Variants in OSBPL8 observed in about 807,000 individuals in gnomAD.
The protein encoded by OSBPL8 is oxysterol binding protein like 8, also known as oxysterol-binding protein-related protein 8.
OSBPL8 carries 59 observed loss-of-function variants against 125.5 expected under a neutral mutation model. That is an observed-to-expected ratio of 0.47 (90% CI 0.38 to 0.58). The LOEUF is 0.58. OSBPL8 is among the 20% of genes least tolerant of loss of function. OSBPL8 has a pLI of 0.00. For synonymous variants in OSBPL8, 330 were observed against 338.9 expected (o/e 0.97, Z 0.29); for missense variants, 758 against 1,047.8 (o/e 0.72, Z 3.82).
chr12:76,358,175 CTT>C (rs60714321), intron 22 of OSBPL8, among the ~76,000 whole-genome samples: 2 of 100,192 alleles, frequency 2.0e-5, no homozygotes, highest in Admixed American at 1.2e-4. Context: ...GAGTGTGGTT[CTT>C]TTTTTTTTTT....
intron 2 of OSBPL8, among the ~76,000 whole-genome samples, chr12:76,480,611 T>G (rs1045029696): frequency 4.6e-5 from 7 of 152,202 alleles, no homozygotes; most frequent in African/African-American, 1.7e-4. Flanking sequence ...GTGACTAAAA[T>G]CTTCACAGTT....
intron 1 of OSBPL8, among the ~76,000 whole-genome samples, chr12:76,533,905 CTCTA>C (rs1422311339): frequency 1.3e-5 from 2 of 152,098 alleles, no homozygotes; most frequent in African/African-American, 4.8e-5. Flanking sequence ...AAGATAAAAT[CTCTA>C]TCTAGGAAAG....
chr12:76,372,116 C>T (rs1565834898), intron 18 of OSBPL8, among the ~76,000 whole-genome samples: 1 of 152,146 alleles, frequency 6.6e-6, no homozygotes, highest in Non-Finnish European at 1.5e-5. Flanking sequence ...TCTACCTTAT[C>T]TATCTAATCT....
chr12:76,446,524 A>C (rs1189599278), intron 4 of OSBPL8, among the ~76,000 whole-genome samples: 1 of 152,168 alleles, frequency 6.6e-6, no homozygotes, highest in African/African-American at 2.4e-5. Context: ...AGATATGACT[A>C]ACACCGTGGC....
At chr12:76,392,344 T>A (rs893010671) in intron 10 of OSBPL8, among the ~76,000 whole-genome samples, 6 of 152,186 alleles carry the variant, frequency 3.9e-5, no homozygotes, top group African/African-American at 1.4e-4. Flanking sequence ...GGTGAATAAT[T>A]AGCATGGCTA....
At position 76,390,572 on chromosome 12, in the gene OSBPL8, G is replaced by A; in HGVS notation, c.1015C>T (p.His339Tyr). The change falls in exon 11 of 24, where the codon CAT becomes TAT. Residue 339 changes from histidine (H) to tyrosine (Y), a missense_variant. His to Tyr is a moderately conservative substitution (Grantham distance 83). Coordinates refer to ENST00000261183, the MANE Select transcript of OSBPL8 (RefSeq NM_020841.5). ...ATCACCTCATTATCAGACTCATCAT[G>A]TTCTTGATCATTTTCTTTATCAGAT... ...DKSDKENDQEHDESDNEVMGK... is the reference protein window; with the variant it reads ...DKSDKENDQEYDESDNEVMGK... 6.2e-7 allele frequency: 1 copy of A among 1,613,694 alleles called. No homozygotes were observed. Among genetic ancestry groups the A allele is most frequent in the Non-Finnish European group, 8.5e-7 (1 of 1,179,814 alleles).
At position 76,507,276 on chromosome 12, in the gene OSBPL8, T is replaced by C. The variant is rs982268562; in HGVS notation, c.-67-19658A>G. Among the ~76,000 whole-genome samples, 53 of 151,750 alleles carry C rather than the reference T, an allele frequency of 3.5e-4. 4 individuals are homozygous for C. The highest frequency in any genetic ancestry group is 1.0e-3 in the African/African-American group (42 of 41,020). On this transcript the variant is annotated intron_variant, in intron 1 of 23. Transcript: ENST00000261183. ...TTATTCTCTATTTGGGATTTACAAATAGTTATTTCAGTCACAGGGAAAAGG... is the reference window on the plus strand; with the variant it reads ...TTATTCTCTATTTGGGATTTACAAACAGTTATTTCAGTCACAGGGAAAAGG...
rs1951877626 is a variant in OSBPL8, at chr12:76,353,082, C to T, written c.*2807G>A. 1 of 152,090 alleles carries T rather than the reference C, an allele frequency of 6.6e-6. No homozygotes were observed. The highest frequency in any genetic ancestry group is 2.1e-4 in the South Asian group (1 of 4,820). 9.4% of individuals were successfully genotyped at this position (152,090 alleles called of 1,614,324 possible). ...TATAGTTCTGTAACACAAAAAATGA[C>T]AAAAAATATTTTCTTAAAGGCACAA... On this transcript the variant is annotated 3_prime_UTR_variant, in exon 24 of 24. Transcript: ENST00000261183.
intron 2 of OSBPL8, among the ~76,000 whole-genome samples, chr12:76,473,070 T>C (rs1410336944): frequency 6.6e-6 from 1 of 152,188 alleles, no homozygotes; most frequent in Admixed American, 6.5e-5. Context: ...AGGAGCCCTC[T>C]GGTGGCCCTG....
At chr12:76,491,240 G>T (rs1467492883) in intron 1 of OSBPL8, among the ~76,000 whole-genome samples, 1 of 152,048 alleles carries the variant, frequency 6.6e-6, no homozygotes, top group African/African-American at 2.4e-5. Context: ...ACAGCGGCAG[G>T]GTTCGAGAGG....
At chr12:76,437,663 T>G (rs1472619484) in intron 4 of OSBPL8, among the ~76,000 whole-genome samples, 2 of 152,186 alleles carry the variant, frequency 1.3e-5, no homozygotes, top group Non-Finnish European at 2.9e-5. Flanking sequence ...GAGTTAAGAA[T>G]GGTCTTATCA....
chr12:76,556,858 GTT>G (rs1232308733), intron 1 of OSBPL8, among the ~76,000 whole-genome samples: 10 of 152,130 alleles, frequency 6.6e-5, no homozygotes, highest in Non-Finnish European at 1.5e-4. Context: ...TAGAGACGGG[GTT>G]TCACCATGTT....
intron 1 of OSBPL8, among the ~76,000 whole-genome samples, chr12:76,527,400 C>T (rs558711257): frequency 6.6e-6 from 1 of 152,132 alleles, no homozygotes; most frequent in African/African-American, 2.4e-5. Context: ...AAAGAAAAAT[C>T]AGTTCAAGTA....
intron 15 of OSBPL8, among the ~76,000 whole-genome samples, chr12:76,381,197 T>C (rs1032602448): frequency 2.6e-5 from 4 of 151,930 alleles, no homozygotes; most frequent in Non-Finnish European, 5.9e-5. Context: ...ATTAGATCTG[T>C]AGTTTATTTT....
rs1358801819 is a variant in OSBPL8, at chr12:76,526,795, C to T, written c.-68+32602G>A. Among the ~76,000 whole-genome samples the T allele has an allele frequency of 3.3e-5, 5 of 151,446 alleles. No homozygotes were observed. The East Asian group carries it at 7.8e-4, about 24-fold the overall frequency. On this transcript the variant is annotated intron_variant, in intron 1 of 23. Coordinates refer to ENST00000261183, the MANE Select transcript of OSBPL8 (RefSeq NM_020841.5). ...TCTCTCAAGTAGCTGGGATTACAGG[C>T]GTGCACCACCATGCCCAGCTAATTT...
chr12:76,408,999 T>TAA (rs201077823), intron 5 of OSBPL8, among the ~76,000 whole-genome samples: 16 of 148,714 alleles, frequency 1.1e-4, no homozygotes, highest in East Asian at 3.9e-4. Context: ...ATCTTTTTTT[T>TAA]AAAAAAAAAA....
chr12:76,488,666 A>G (rs559717885), intron 1 of OSBPL8, among the ~76,000 whole-genome samples: 1 of 152,304 alleles, frequency 6.6e-6, no homozygotes, highest in East Asian at 1.9e-4. Context: ...AAAACAAGTA[A>G]CTGAACTGAT....
At chr12:76,429,153 T>C (rs1490244711) in intron 4 of OSBPL8, among the ~76,000 whole-genome samples, 2 of 151,978 alleles carry the variant, frequency 1.3e-5, no homozygotes, top group Non-Finnish European at 2.9e-5. Flanking sequence ...CACATGTAAA[T>C]ACACATACAA....
At chr12:76,457,740 C>T (rs1210185380) in intron 3 of OSBPL8, among the ~76,000 whole-genome samples, 3 of 151,820 alleles carry the variant, frequency 2.0e-5, no homozygotes, top group Non-Finnish European at 4.4e-5. Context: ...AAATATATAA[C>T]CTTAAGTAAA....
Sources: gnomAD v4.1 joint callset for allele counts (sites outside exome capture counted in the v4.1 genomes callset) on GRCh38, gnomAD v4.1.1 for gene constraint, MANE v1.5 for transcripts, NCBI Gene and HGNC (gene_info 2026-07-23, HGNC 2026-07-21) for gene names.